Variants in GPC5 observed in about 807,000 individuals in gnomAD.
GPC5 encodes the protein glypican 5.
Under a neutral mutation model 53.9 loss-of-function variants are expected in GPC5, and 47 were observed. The observed-to-expected ratio is 0.87, with a 90% CI of 0.69 to 1.11. The LOEUF (loss-of-function observed/expected upper bound fraction) is 1.11, where lower values mean the gene tolerates loss of function less well. GPC5 is among the 50% of genes most tolerant of loss of function. The pLI is 0.00. For synonymous variants in GPC5, 286 were observed against 263.3 expected, an observed-to-expected ratio of 1.09 and a Z score of -0.84; for missense variants, 748 against 713.1, an observed-to-expected ratio of 1.05 and a Z score of -0.56.
intron 2 of GPC5, among the ~76,000 whole-genome samples, chr13:91,623,530 G>A (rs1004115219): frequency 5.3e-5 from 8 of 152,072 alleles, no homozygotes; most frequent in African/African-American, 1.9e-4. Flanking sequence ...AATGGTTTGG[G>A]GTCTTTTATG....
chr13:91,930,687 AT>A (rs1411957516), intron 6 of GPC5, among the ~76,000 whole-genome samples: 1 of 152,024 alleles, frequency 6.6e-6, no homozygotes, highest in African/African-American at 2.4e-5. Flanking sequence ...ACAGTACTAA[AT>A]GCAAACACAT....
chr13:92,302,929 T>A (rs2043085290), intron 7 of GPC5, among the ~76,000 whole-genome samples: 2 of 152,200 alleles, frequency 1.3e-5, no homozygotes, highest in Admixed American at 1.3e-4. Context: ...CTTTTTACTG[T>A]CTCTATACTC....
At chr13:92,424,032 T>C (rs906933431) in intron 7 of GPC5, among the ~76,000 whole-genome samples, 3 of 152,188 alleles carry the variant, frequency 2.0e-5, no homozygotes, top group African/African-American at 7.2e-5. Context: ...TTGTGTAAGA[T>C]GAAGAGTATT....
At chr13:91,527,324 T>C (rs1221598701) in intron 2 of GPC5, among the ~76,000 whole-genome samples, 1 of 152,184 alleles carries the variant, frequency 6.6e-6, no homozygotes, top group Admixed American at 6.5e-5. Flanking sequence ...AAAGTGGCCA[T>C]AGGCCTTATG....
intron 5 of GPC5, among the ~76,000 whole-genome samples, chr13:91,806,202 A>AT (rs1328662890): frequency 6.6e-6 from 1 of 150,852 alleles, no homozygotes; most frequent in Non-Finnish European, 1.5e-5. Flanking sequence ...TGCTCAGCTA[A>AT]TTTTTTGTGT....
At chr13:92,633,458 T>C (rs1885320484) in intron 7 of GPC5, among the ~76,000 whole-genome samples, 1 of 152,182 alleles carries the variant, frequency 6.6e-6, no homozygotes. Flanking sequence ...TAAAAAATAT[T>C]TAGTTTTTTG....
chr13:92,863,185 G>A (rs898556821), intron 7 of GPC5, among the ~76,000 whole-genome samples: 1 of 152,148 alleles, frequency 6.6e-6, no homozygotes, highest in Non-Finnish European at 1.5e-5. Context: ...ACTTGGTGGT[G>A]CCAAGCAATG....
At chr13:92,832,478 T>G (rs2138822682) in intron 7 of GPC5, among the ~76,000 whole-genome samples, 1 of 152,348 alleles carries the variant, frequency 6.6e-6, no homozygotes, top group East Asian at 1.9e-4. Context: ...TTTTTAAAAC[T>G]TCTTACTAAT....
At chr13:92,273,889 A>G (rs1465225100) in intron 7 of GPC5, among the ~76,000 whole-genome samples, 1 of 152,154 alleles carries the variant, frequency 6.6e-6, no homozygotes, top group Non-Finnish European at 1.5e-5. Context: ...CAATACCTGC[A>G]AATAACCAAA....
intron 2 of GPC5, among the ~76,000 whole-genome samples, chr13:91,483,260 G>A (rs1389543319): frequency 1.3e-5 from 2 of 152,292 alleles, no homozygotes; most frequent in East Asian, 1.9e-4. Context: ...GAGGCTCCAG[G>A]TCTGTGACTT....
chr13:92,715,329 A>T (rs1455464423), intron 7 of GPC5, among the ~76,000 whole-genome samples: 1 of 152,196 alleles, frequency 6.6e-6, no homozygotes, highest in Non-Finnish European at 1.5e-5. Flanking sequence ...CATTTTGAAC[A>T]TTTCTTAATA....
intron 7 of GPC5, among the ~76,000 whole-genome samples, chr13:92,441,375 T>C (rs1472268369): frequency 2.0e-5 from 3 of 152,202 alleles, no homozygotes; most frequent in Non-Finnish European, 4.4e-5. Context: ...ATTTTTGTTT[T>C]GGTTGCAGTT....
At chr13:92,200,320 G>C (rs1419300135) in intron 7 of GPC5, among the ~76,000 whole-genome samples, 1 of 152,152 alleles carries the variant, frequency 6.6e-6, no homozygotes, top group Admixed American at 6.5e-5. Flanking sequence ...AGTGACATTT[G>C]CTGTCAAACA....
chr13:92,497,710 CATG>C (rs948204168), intron 7 of GPC5, among the ~76,000 whole-genome samples: 134 of 152,174 alleles, frequency 8.8e-4, no homozygotes, highest in African/African-American at 2.9e-3. Flanking sequence ...TGGCCATATT[CATG>C]ATATTGATTC....
chr13:92,777,022 C>CAAAAAA (rs1243297680), intron 7 of GPC5, among the ~76,000 whole-genome samples: 2 of 26,682 alleles, frequency 7.5e-5, no homozygotes, highest in African/African-American at 1.5e-4. Flanking sequence ...GACCCTGCCT[C>CAAAAAA]AAAAAAAAAA....
intron 7 of GPC5, among the ~76,000 whole-genome samples, chr13:92,273,572 G>C (rs768978304): frequency 6.6e-6 from 1 of 151,936 alleles, no homozygotes; most frequent in Non-Finnish European, 1.5e-5. Flanking sequence ...AAGGTGATGT[G>C]ATACTCTTAC....
intron 7 of GPC5, among the ~76,000 whole-genome samples, chr13:92,636,383 T>A (rs1168053098): frequency 6.6e-6 from 1 of 152,190 alleles, no homozygotes; most frequent in Non-Finnish European, 1.5e-5. Context: ...TATATAGGAC[T>A]TATTTTGCTG....
intron 7 of GPC5, among the ~76,000 whole-genome samples, chr13:92,549,024 C>T (rs1033873924): frequency 1.3e-5 from 2 of 152,092 alleles, no homozygotes; most frequent in African/African-American, 4.8e-5. Context: ...CTCCAATGGG[C>T]AGCCTTTCTA....
chr13:92,511,555 G>A (rs1325751403), intron 7 of GPC5, among the ~76,000 whole-genome samples: 5 of 152,110 alleles, frequency 3.3e-5, no homozygotes, highest in South Asian at 2.1e-4. Flanking sequence ...CTGATTAAAT[G>A]ATACCTCTGT....
Sources: gnomAD v4.1 joint callset for allele counts (sites outside exome capture counted in the v4.1 genomes callset) on GRCh38, gnomAD v4.1.1 for gene constraint, MANE v1.5 for transcripts, NCBI Gene and HGNC (gene_info 2026-07-23, HGNC 2026-07-21) for gene names.